Variants in RALYL observed in about 807,000 individuals in gnomAD.
RALYL encodes RNA-binding Raly-like protein.
RALYL carries 29 observed loss-of-function variants against 35.1 expected under a neutral mutation model. The observed-to-expected ratio is 0.83, with a 90% CI of 0.61 to 1.13. The LOEUF (loss-of-function observed/expected upper bound fraction) is 1.13. Ranked by LOEUF, RALYL falls within the 50% of genes most tolerant of loss-of-function variation. The pLI is 0.00. For synonymous variants in RALYL, 120 were observed against 127.6 expected, an observed-to-expected ratio of 0.94 and a Z score of 0.40; for missense variants, 359 against 360.4, an observed-to-expected ratio of 1.00 and a Z score of 0.03.
rs1586979883 is a variant in RALYL at position 84,887,710 on chromosome 8, T to G, written c.792T>G (p.Asp264Glu). The change falls in exon 8 of 9, where the codon GAT becomes GAG. Residue 264 changes from aspartate to glutamate, a missense_variant. By Grantham distance (45) the Asp-to-Glu change is conservative (BLOSUM62 2). Transcript: ENST00000521268. The stretch of plus-strand genomic sequence containing the variant: ...AGGAGCCTGCTGAAGGAGGGCCAGA[T>G]GCCGATGGAGAAGAGATGACAGATG... ...STEEPAEGGP[D>E]ADGEEMTDGI... 1.2e-6 allele frequency: 2 copies of G among 1,613,902 alleles called. No individual in the cohort carries two copies. The highest frequency in any genetic ancestry group is 1.7e-6 in the Non-Finnish European group (2 of 1,179,822).
rs1849233432 is a variant in RALYL, at chr8:84,920,894, T to A, written c.859T>A (p.Phe287Ile). ...TTAAAATTTTTTTTTATTTTCTCAGTTTCTACAGATAAAGTGATCTGAAAT... is the reference window on the plus strand; with the variant it reads ...TTAAAATTTTTTTTTATTTTCTCAGATTCTACAGATAAAGTGATCTGAAAT... ...DFDEDGGHEL[F>I]LQIK The change falls in exon 9 of 9, where the codon TTT becomes ATT. Residue 287 changes from phenylalanine to isoleucine, a missense_variant and splice_region_variant. By Grantham distance (21) the Phe-to-Ile change is conservative. Transcript: ENST00000521268. The A allele has an allele frequency of 7.1e-7, 1 of 1,402,680 alleles. No homozygotes were observed. Among genetic ancestry groups the A allele is most frequent in the East Asian group, 2.8e-5 (1 of 36,314 alleles). The allele number at this position is 1,402,680 out of a possible 1,614,324, so 86.9% of individuals were successfully genotyped here. A position where few individuals can be genotyped will look rare whatever the true frequency, so the allele number is the denominator to read the frequency against.
chr8:84,751,730 C>T (rs192985083), intron 2 of RALYL, among the ~76,000 whole-genome samples: 6 of 152,132 alleles, frequency 3.9e-5, no homozygotes, highest in African/African-American at 1.4e-4. Flanking sequence ...CCTGCCTGGC[C>T]ATATGAAATC....
intron 2 of RALYL, among the ~76,000 whole-genome samples, chr8:84,689,930 T>G (rs1453837823): frequency 2.0e-5 from 3 of 152,170 alleles, no homozygotes. Flanking sequence ...GTTTTACAGT[T>G]GATGTGAATA....
intron 8 of RALYL, among the ~76,000 whole-genome samples, chr8:84,913,028 A>AGG (rs1563856294): frequency 0.028 from 2,142 of 77,446 alleles, 24 homozygotes; most frequent in East Asian, 0.078. Context: ...GGATGGATGG[A>AGG]TGGATAGGTA....
intron 8 of RALYL, among the ~76,000 whole-genome samples, chr8:84,917,532 G>C (rs1182004610): frequency 6.6e-6 from 1 of 150,638 alleles, no homozygotes; most frequent in Non-Finnish European, 1.5e-5. Context: ...ATTGGCTGTA[G>C]TCACCCTGTT....
intron 1 of RALYL, among the ~76,000 whole-genome samples, chr8:84,226,386 C>A (rs930336087): frequency 5.3e-5 from 8 of 151,910 alleles, no homozygotes; most frequent in African/African-American, 1.9e-4. Flanking sequence ...CTATGTATTT[C>A]TTTTTTGGTT....
At chr8:84,741,152 T>C (rs1045054540) in intron 2 of RALYL, among the ~76,000 whole-genome samples, 1 of 151,944 alleles carries the variant, frequency 6.6e-6, no homozygotes, top group Non-Finnish European at 1.5e-5. Context: ...GTATGGCTTA[T>C]CCTGGATGGG....
At chr8:84,467,272 G>A (rs1180007886) in intron 1 of RALYL, among the ~76,000 whole-genome samples, 20 of 151,570 alleles carry the variant, frequency 1.3e-4, no homozygotes, top group Non-Finnish European at 2.7e-4. Flanking sequence ...TTTCTCTTGT[G>A]GGCATTTAGT....
chr8:84,433,534 G>T (rs917707618), intron 1 of RALYL, among the ~76,000 whole-genome samples: 1 of 152,016 alleles, frequency 6.6e-6, no homozygotes, highest in African/African-American at 2.4e-5. Context: ...AGCGGGAGGT[G>T]ATTGAATCAT....
intron 2 of RALYL, among the ~76,000 whole-genome samples, chr8:84,638,949 T>TACAC (rs1223666334): frequency 1.2e-5 from 1 of 81,402 alleles, no homozygotes; most frequent in East Asian, 3.6e-4. Flanking sequence ...CATATATATG[T>TACAC]ACACACACAC....
chr8:84,550,508 TTAAC>T (rs1205214938), intron 2 of RALYL, among the ~76,000 whole-genome samples: 1 of 151,926 alleles, frequency 6.6e-6, no homozygotes, highest in African/African-American at 2.4e-5. Context: ...ATATTTTTCT[TTAAC>T]TACTAATAAT....
At chr8:84,456,078 G>A (rs914118744) in intron 1 of RALYL, among the ~76,000 whole-genome samples, 3 of 151,726 alleles carry the variant, frequency 2.0e-5, no homozygotes, top group South Asian at 2.1e-4. Context: ...TCTCTGTTCC[G>A]AGGGTAAAAT....
chr8:84,710,936 T>C (rs1321825962), intron 2 of RALYL, among the ~76,000 whole-genome samples: 1 of 152,096 alleles, frequency 6.6e-6, no homozygotes, highest in East Asian at 1.9e-4. Context: ...CTAAGTGCTA[T>C]GGAGAAAAAT....
At chr8:84,254,356 G>A (rs1473248462) in intron 1 of RALYL, among the ~76,000 whole-genome samples, 1 of 152,078 alleles carries the variant, frequency 6.6e-6, no homozygotes, top group Admixed American at 6.6e-5. Context: ...AACTTGGCTA[G>A]CCTGCCCTCA....
rs958582339 is a variant in RALYL, at chr8:84,529,450, A to G, written c.129A>G (p.Ser43=). The change falls in exon 2 of 9, where the codon TCA becomes TCG. Residue 43 remains serine (S), a synonymous_variant. Coordinates refer to ENST00000521268, the MANE Select transcript of RALYL (RefSeq NM_173848.7). ...VKKVDIEAIF[S]KYGKIVGCSV... is the part of the protein sequence containing the mutation. ...AAGTTGACATTGAAGCCATTTTTTC[A>G]AAGTATGGAAAAATAGTTGGATGTT... The G allele has an allele frequency of 1.2e-6, 2 of 1,613,540 alleles. No individual in the cohort carries two copies. The highest frequency in any genetic ancestry group is 1.7e-5 in the Admixed American group (1 of 59,858).
chr8:84,813,672 A>G (rs1393725508), intron 4 of RALYL, among the ~76,000 whole-genome samples: 2 of 152,206 alleles, frequency 1.3e-5, no homozygotes, highest in African/African-American at 4.8e-5. Context: ...TCAGTGTCTT[A>G]AAGTATTTGT....
At chr8:84,577,131 G>A (rs1002909534) in intron 2 of RALYL, among the ~76,000 whole-genome samples, 1 of 152,162 alleles carries the variant, frequency 6.6e-6, no homozygotes, top group Non-Finnish European at 1.5e-5. Flanking sequence ...TGACAGAAAC[G>A]CCATCAGACA....
intron 1 of RALYL, among the ~76,000 whole-genome samples, chr8:84,186,351 T>A (rs190658559): frequency 4.0e-4 from 61 of 152,338 alleles, no homozygotes; most frequent in African/African-American, 1.4e-3. Flanking sequence ...TGCAACATTC[T>A]GTGATTTTAA....
intron 8 of RALYL, among the ~76,000 whole-genome samples, chr8:84,897,653 G>A (rs2135525660): frequency 6.6e-6 from 1 of 152,130 alleles, no homozygotes; most frequent in Middle Eastern, 3.4e-3. Context: ...ATGGTAACTT[G>A]TGGTTTTATG....
Sources: allele counts gnomAD v4.1 joint callset (sites outside exome capture counted in the v4.1 genomes callset), GRCh38; gene constraint gnomAD v4.1.1; transcripts MANE v1.5; gene names NCBI Gene and HGNC (gene_info 2026-07-23, HGNC 2026-07-21).